KHDRBS2: variants seen among roughly 807,000 people sequenced by gnomAD.
KHDRBS2 encodes KH domain-containing, RNA-binding, signal transduction-associated protein 2.
KHDRBS2 carries 26 observed loss-of-function variants against 44.3 expected under a neutral mutation model. The observed-to-expected ratio is 0.59, with a 90% CI of 0.43 to 0.81. The LOEUF is 0.81. Ranked by LOEUF, KHDRBS2 falls within the 40% of genes least tolerant of loss-of-function variation. The pLI is 0.00. For missense variants in KHDRBS2, 476 were observed against 433.1 expected (o/e 1.10, Z -0.88); for synonymous variants, 194 against 151.1 (o/e 1.28, Z -2.08).
At chr6:61,617,190 T>G in the KHDRBS2 span, among the ~76,000 whole-genome samples, 1 of 152,306 alleles carries the variant, frequency 6.6e-6, no homozygotes, top group Middle Eastern at 3.4e-3. Flanking sequence ...TACCTTAAAT[T>G]TAGAAGCATT....
At chr6:61,808,826 T>A (rs888724255) in intron 6 of KHDRBS2, among the ~76,000 whole-genome samples, 1 of 152,050 alleles carries the variant, frequency 6.6e-6, no homozygotes, top group Non-Finnish European at 1.5e-5. Flanking sequence ...TAAATTAAAT[T>A]CAAATTTTCT....
chr6:62,240,336 T>C (rs1834392987), intron 1 of KHDRBS2, among the ~76,000 whole-genome samples: 1 of 152,006 alleles, frequency 6.6e-6, no homozygotes, highest in Admixed American at 6.6e-5. Context: ...TTTAGGCTCA[T>C]CTTGTATACA....
intron 3 of KHDRBS2, among the ~76,000 whole-genome samples, chr6:62,023,259 AC>A (rs1360954719): frequency 6.6e-6 from 1 of 151,730 alleles, no homozygotes; most frequent in Non-Finnish European, 1.5e-5. Context: ...AGATCTGTCT[AC>A]CTCAAGAAAC....
At chr6:62,050,546 A>G (rs1398972318) in intron 2 of KHDRBS2, among the ~76,000 whole-genome samples, 4 of 151,952 alleles carry the variant, frequency 2.6e-5, no homozygotes. Context: ...AAAATGACTA[A>G]TATCTATAAT....
intron 6 of KHDRBS2, among the ~76,000 whole-genome samples, chr6:61,850,903 ATTTTGTTATATCCTCCAGGC>A (rs918004081): frequency 2.0e-5 from 3 of 152,092 alleles, no homozygotes; most frequent in Non-Finnish European, 4.4e-5. Context: ...AACCAAAGGG[ATTTTGTTATATCCTCCAGGC>A]TTGTTCTAGT....
chr6:61,613,761 A>G, the KHDRBS2 span, among the ~76,000 whole-genome samples: 1 of 151,976 alleles, frequency 6.6e-6, no homozygotes, highest in Non-Finnish European at 1.5e-5. Context: ...TACTGTTCAT[A>G]CTAACCAATT....
intron 3 of KHDRBS2, among the ~76,000 whole-genome samples, chr6:62,001,640 A>C (rs950975837): frequency 6.6e-6 from 1 of 152,114 alleles, no homozygotes; most frequent in African/African-American, 2.4e-5. Context: ...TTTCAATGTT[A>C]ATGCAAGTCA....
rs529893778 is a variant in KHDRBS2 at position 62,200,785 on chromosome 6, T to C, written c.92-23473A>G. Among the ~76,000 whole-genome samples the C allele has an allele frequency of 3.9e-4, 59 of 152,214 alleles. 1 individual carries two copies. The highest frequency in any genetic ancestry group is 1.4e-3 in the African/African-American group (58 of 41,528). ...ATGCTGCTATAAGGACACATGCACA[T>C]GTATGTTTATTGTGGCACTACTCAC... On this transcript the variant is annotated intron_variant, in intron 1 of 8. Transcript: ENST00000281156.
chr6:61,748,591 T>A (rs1012914578), intron 6 of KHDRBS2, among the ~76,000 whole-genome samples: 1 of 152,220 alleles, frequency 6.6e-6, no homozygotes, highest in African/African-American at 2.4e-5. Flanking sequence ...TTTTTATATA[T>A]TCTATTGTAA....
the KHDRBS2 span, among the ~76,000 whole-genome samples, chr6:61,604,792 T>C: frequency 6.6e-6 from 1 of 152,138 alleles, no homozygotes; most frequent in Non-Finnish European, 1.5e-5. Context: ...GGGTAGACAC[T>C]TTCACTGGAT....
chr6:62,154,082 A>G (rs1439138708), intron 2 of KHDRBS2, among the ~76,000 whole-genome samples: 1 of 152,198 alleles, frequency 6.6e-6, no homozygotes, highest in Admixed American at 6.5e-5. Flanking sequence ...CCCTTCCCAG[A>G]CAAGACAAAA....
At chr6:61,689,618 C>T (rs1443753359) in intron 8 of KHDRBS2, among the ~76,000 whole-genome samples, 1 of 151,916 alleles carries the variant, frequency 6.6e-6, no homozygotes, top group African/African-American at 2.4e-5. Flanking sequence ...ATACCAAAAG[C>T]CTCTTGAGTT....
At chr6:61,593,264 G>T in the KHDRBS2 span, among the ~76,000 whole-genome samples, 1 of 152,094 alleles carries the variant, frequency 6.6e-6, no homozygotes, top group Non-Finnish European at 1.5e-5. Flanking sequence ...TCTAGTTTCA[G>T]TTTGTAGGGC....
the KHDRBS2 span, among the ~76,000 whole-genome samples, chr6:61,645,169 G>A: frequency 2.6e-5 from 4 of 152,084 alleles, no homozygotes; most frequent in African/African-American, 9.7e-5. Flanking sequence ...GAAGGAACAT[G>A]GATGGAACTG....
intron 2 of KHDRBS2, among the ~76,000 whole-genome samples, chr6:62,084,374 T>C (rs1798012739): frequency 6.6e-6 from 1 of 152,152 alleles, no homozygotes; most frequent in Admixed American, 6.5e-5. Flanking sequence ...GTGATAAAAC[T>C]CCACCAAAGT....
chr6:62,176,516 T>G (rs1468914241), intron 2 of KHDRBS2, among the ~76,000 whole-genome samples: 3 of 151,294 alleles, frequency 2.0e-5, no homozygotes, highest in Non-Finnish European at 4.4e-5. Context: ...CTTGAATCTT[T>G]GAGTTTACAT....
the KHDRBS2 span, among the ~76,000 whole-genome samples, chr6:61,636,714 C>T: frequency 6.6e-6 from 1 of 152,196 alleles, no homozygotes; most frequent in South Asian, 2.1e-4. Context: ...TTCAAAATGT[C>T]AGTAGTGTTG....
intron 2 of KHDRBS2, among the ~76,000 whole-genome samples, chr6:62,139,963 C>A (rs1812433497): frequency 1.3e-5 from 2 of 152,010 alleles, no homozygotes; most frequent in Non-Finnish European, 2.9e-5. Flanking sequence ...TTCCTTTACC[C>A]AGCCCATTTT....
chr6:62,286,137 C>T lies in KHDRBS2; in HGVS notation c.-189G>A, dbSNP rs1044368156. The T allele has an allele frequency of 1.1e-5, 6 of 570,308 alleles. No homozygotes were observed. Among genetic ancestry groups the T allele is most frequent in the African/African-American group, 1.0e-4 (5 of 50,042 alleles). 35.3% of individuals were successfully genotyped at this position (570,308 alleles called of 1,614,324 possible). On this transcript the variant is annotated 5_prime_UTR_variant, in exon 1 of 9. Transcript: ENST00000281156. ...GCCGTCGGGCTGCGTGGCCCCGCGC[C>T]CACACCTGCCCGTCCCTTCCGTCGT... is the stretch of plus-strand genomic sequence containing the variant.
Sources: gnomAD v4.1 joint callset for allele counts (sites outside exome capture counted in the v4.1 genomes callset) on GRCh38, gnomAD v4.1.1 for gene constraint, MANE v1.5 for transcripts, NCBI Gene and HGNC (gene_info 2026-07-23, HGNC 2026-07-21) for gene names.